Variants in RASSF3 observed in about 807,000 individuals in gnomAD.
RASSF3 encodes ras association domain-containing protein 3.
RASSF3 carries 19 observed loss-of-function variants against 19.9 expected under a neutral mutation model. That is an observed-to-expected ratio of 0.96 (90% CI 0.67 to 1.40). RASSF3 has a LOEUF of 1.40. Ranked by LOEUF, RASSF3 falls within the 40% of genes most tolerant of loss-of-function variation. RASSF3 has a pLI of 0.00. For synonymous variants in RASSF3, 110 were observed against 104.2 expected (o/e 1.06, Z -0.34); for missense variants, 306 against 289.8 (o/e 1.06, Z -0.41).
Position 64,632,373 on chromosome 12 carries a change from G to A in RASSF3, c.111+21630G>A, listed in dbSNP as rs1330586408. ...TGTGAGTAAGGAGGAGCCACTTAGG[G>A]AGAAATAAAGTGGTCAGACCTATGA... On this transcript the variant is annotated intron_variant, in intron 1 of 4. Coordinates refer to ENST00000542104, the MANE Select transcript of RASSF3 (RefSeq NM_178169.4). Among the ~76,000 whole-genome samples, 5 of 152,164 alleles carry A rather than the reference G, an allele frequency of 3.3e-5. No homozygotes were observed. The South Asian group carries it at 1.0e-3, about 32-fold the overall frequency.
chr12:64,689,958 T>C, intron 3 of RASSF3, among the ~76,000 whole-genome samples: 1 of 150,860 alleles, frequency 6.6e-6, no homozygotes, highest in Non-Finnish European at 1.5e-5. Flanking sequence ...CTGGCTAATT[T>C]TTTTGTGTTT....
chr12:64,533,067 C>G (rs973250758), upstream of RASSF3, among the ~76,000 whole-genome samples: 1 of 152,176 alleles, frequency 6.6e-6, no homozygotes, highest in African/African-American at 2.4e-5. Context: ...GGTGTGAACA[C>G]TTGACGGTCC....
chr12:64,543,414 G>GC (rs1314828808), downstream of RASSF3, among the ~76,000 whole-genome samples: 6 of 53,936 alleles, frequency 1.1e-4, no homozygotes, highest in African/African-American at 3.1e-4. Flanking sequence ...TGAGTTTCCC[G>GC]CCCCCCGGCT....
In RASSF3 at chr12:64,695,221, A is replaced by G. The variant is rs1342584851; in HGVS notation, c.*309A>G. On this transcript the variant is annotated 3_prime_UTR_variant, in exon 5 of 5. Transcript: ENST00000542104. ...TCTGGGGGTGTTTTTTTTTTTGGTT[A>G]TTTTAATTATGTGATGATGCTGTTA... 1 of 246,516 alleles carries G rather than the reference A, an allele frequency of 4.1e-6. No homozygotes were observed. Among genetic ancestry groups the G allele is most frequent in the Admixed American group, 5.2e-5 (1 of 19,174 alleles). The allele number at this position is 246,516 out of a possible 1,614,324, so 15.3% of individuals were successfully genotyped here.
intron 1 of RASSF3, among the ~76,000 whole-genome samples, chr12:64,626,507 A>G (rs907920979): frequency 2.0e-5 from 3 of 148,960 alleles, no homozygotes; most frequent in South Asian, 2.1e-4. Flanking sequence ...AAAAAAAAAG[A>G]AAAAAAAAGA....
At chr12:64,559,571 T>C (rs898403025) in intron 2 of RASSF3, among the ~76,000 whole-genome samples, 4 of 152,020 alleles carry the variant, frequency 2.6e-5, no homozygotes, top group African/African-American at 9.7e-5. Context: ...GCCTGGCCCC[T>C]TGTGGGTCCA....
At chr12:64,560,950 G>A (rs367909842) in intron 2 of RASSF3, among the ~76,000 whole-genome samples, 9 of 152,300 alleles carry the variant, frequency 5.9e-5, no homozygotes, top group Middle Eastern at 3.4e-3. Flanking sequence ...GCCAAAGTCC[G>A]TCATTAAAAG....
At chr12:64,634,967 CTT>C (rs139897110) in intron 1 of RASSF3, among the ~76,000 whole-genome samples, 104 of 128,086 alleles carry the variant, frequency 8.1e-4, no homozygotes, top group African/African-American at 9.9e-4. Flanking sequence ...CTTTTCTTTT[CTT>C]TTTTTTTTTT....
chr12:64,670,190 C>T (rs528759879), intron 1 of RASSF3, among the ~76,000 whole-genome samples: 13 of 152,086 alleles, frequency 8.5e-5, no homozygotes, highest in Non-Finnish European at 1.5e-4. Context: ...AGCCTTGTGG[C>T]GTTGGTGCCT....
intron 1 of RASSF3, among the ~76,000 whole-genome samples, chr12:64,682,346 C>T (rs1267021810): frequency 6.6e-6 from 1 of 151,912 alleles, no homozygotes; most frequent in Non-Finnish European, 1.5e-5. Context: ...CCGAGGCGGG[C>T]GGATCACAAG....
intron 2 of RASSF3, among the ~76,000 whole-genome samples, chr12:64,567,067 G>A (rs1288846131): frequency 6.6e-6 from 1 of 152,194 alleles, no homozygotes. Context: ...AGGAGCAGCT[G>A]GGGTTTGCAA....
intron 1 of RASSF3, among the ~76,000 whole-genome samples, chr12:64,624,450 C>A (rs956702502): frequency 1.3e-5 from 2 of 151,590 alleles, no homozygotes; most frequent in Non-Finnish European, 2.9e-5. Context: ...TTATTTTTTA[C>A]ATTTTTAAGA....
At chr12:64,572,235 A>T (rs766552087) in intron 2 of RASSF3, among the ~76,000 whole-genome samples, 4 of 151,862 alleles carry the variant, frequency 2.6e-5, no homozygotes, top group Non-Finnish European at 5.9e-5. Flanking sequence ...TCGGGAGAGA[A>T]ATCTTTGGGA....
chr12:64,570,766 C>A (rs866129664), intron 2 of RASSF3, among the ~76,000 whole-genome samples: 9 of 152,150 alleles, frequency 5.9e-5, no homozygotes, highest in African/African-American at 1.9e-4. Context: ...TCAGTTGCAG[C>A]ATTTCTCACG....
intron 3 of RASSF3, among the ~76,000 whole-genome samples, chr12:64,690,334 A>G (rs1868262984): frequency 6.6e-6 from 1 of 151,848 alleles, no homozygotes; most frequent in South Asian, 2.1e-4. Flanking sequence ...AGTGCCCACC[A>G]CCATGCCCAG....
At chr12:64,546,095 CAAAAAAAA>C (rs34666595), downstream of RASSF3, among the ~76,000 whole-genome samples, 9 of 59,562 alleles carry the variant, frequency 1.5e-4, no homozygotes, top group South Asian at 3.3e-3. Context: ...GACTCCGTCT[CAAAAAAAA>C]AAAAAAAAAA....
chr12:64,636,651 A>G (rs1241599874), intron 1 of RASSF3, among the ~76,000 whole-genome samples: 1 of 151,916 alleles, frequency 6.6e-6, no homozygotes, highest in Non-Finnish European at 1.5e-5. Context: ...GGATCACCTG[A>G]GGTCAGGGGT....
At chr12:64,631,145 G>A (rs941950656) in intron 1 of RASSF3, among the ~76,000 whole-genome samples, 1 of 152,212 alleles carries the variant, frequency 6.6e-6, no homozygotes, top group Admixed American at 6.5e-5. Context: ...GGCACCAGCA[G>A]GTAAGAAGTG....
chr12:64,663,893 A>G (rs1198744811), intron 1 of RASSF3, among the ~76,000 whole-genome samples: 1 of 148,944 alleles, frequency 6.7e-6, no homozygotes, highest in African/African-American at 2.5e-5. Flanking sequence ...ATTATGTCCA[A>G]AAGAGCACAA....
Sources: gnomAD v4.1 joint callset for allele counts (sites outside exome capture counted in the v4.1 genomes callset) on GRCh38, gnomAD v4.1.1 for gene constraint, MANE v1.5 for transcripts, NCBI Gene and HGNC (gene_info 2026-07-23, HGNC 2026-07-21) for gene names.